The following ARCN1 variants were observed in gnomAD, a reference collection of about 807,000 sequenced individuals.
ARCN1 encodes the protein archain 1 coat protein complex I subunit delta.
A neutral mutation model predicts 60.4 loss-of-function variants in ARCN1; 5 were observed. That is an observed-to-expected ratio of 0.08 (90% CI 0.04 to 0.17). The LOEUF (loss-of-function observed/expected upper bound fraction) is 0.17. ARCN1 is among the 10% of genes least tolerant of loss of function. The pLI is 1.00. For synonymous variants in ARCN1, 224 were observed against 220.0 expected (o/e 1.02, Z -0.16); for missense variants, 464 against 626.5 (o/e 0.74, Z 2.77).
At chr11:118,575,317 G>C (rs1191874955) in intron 1 of ARCN1, among the ~76,000 whole-genome samples, 1 of 152,036 alleles carries the variant, frequency 6.6e-6, no homozygotes, top group Non-Finnish European at 1.5e-5. Flanking sequence ...TGTTTTGAGG[G>C]ACAGCAAAGA....
rs188303468 is a variant in ARCN1 at position 118,572,558 on chromosome 11, C to T, written c.3+8C>T. 9.0e-4 allele frequency: 1,456 copies of T among 1,609,086 alleles called. 13 individuals are homozygous for T. In the East Asian group the frequency reaches 0.012, roughly 13 times the overall value. On this transcript the variant is annotated splice_region_variant and intron_variant, in intron 1 of 9. Transcript: ENST00000264028. Reference sequence around the variant, plus strand: ...ACCACCGCCCTCACCATGGTAAGATCCGAGCCAGGACCCGAACTCCTGGGG... The same window carrying T: ...ACCACCGCCCTCACCATGGTAAGATTCGAGCCAGGACCCGAACTCCTGGGG...
At chr11:118,593,845 G>C (rs1374773317) in intron 8 of ARCN1, 147 bp downstream of exon 8, 3 of 530,958 alleles carry the variant, frequency 5.7e-6, no homozygotes, top group South Asian at 2.5e-5. Flanking sequence ...GATACAAAAG[G>C]CTGCATGTTA....
At position 118,592,799 on chromosome 11, in the gene ARCN1, G is replaced by T. The variant is rs782524829; in HGVS notation, c.1075G>T (p.Val359Leu). The T allele has an allele frequency of 4.3e-6, 7 of 1,614,126 alleles. No homozygotes were observed. In the South Asian group the frequency reaches 5.5e-5, roughly 13 times the overall value. Reference protein sequence around the residue: ...PEKSFPVNSDVGVLKWRLQTT... With the variant: ...PEKSFPVNSDLGVLKWRLQTT... ...GAAGTCATTTCCAGTCAACAGTGACGTAGGGGTGCTAAAGTGGAGACTACA... is the reference window on the plus strand; with the variant it reads ...GAAGTCATTTCCAGTCAACAGTGACTTAGGGGTGCTAAAGTGGAGACTACA... Residue 359 changes from valine to leucine, a missense_variant, in exon 7 of 10, where the codon GTA (valine) becomes TTA (leucine). Val to Leu is a conservative substitution (Grantham distance 32, BLOSUM62 1). Around this residue, in one of 2 missense-constraint regions of ARCN1, gnomAD observed 359 missense variants for 440.2 expected, o/e 0.82. Coordinates refer to ENST00000264028, the MANE Select transcript of ARCN1 (RefSeq NM_001655.5).
intron 9 of ARCN1, among the ~76,000 whole-genome samples, chr11:118,599,471 A>G (rs1024597238): frequency 4.0e-5 from 6 of 150,432 alleles, no homozygotes; most frequent in Non-Finnish European, 7.4e-5. Flanking sequence ...CTCTGTCACC[A>G]AGGCTGGAGT....
At chr11:118,600,298 CATCCTGATAGAATGTCTA>C (rs1939120362) in intron 9 of ARCN1, among the ~76,000 whole-genome samples, 1 of 152,204 alleles carries the variant, frequency 6.6e-6, no homozygotes, top group Non-Finnish European at 1.5e-5. Context: ...GTTAATATAT[CATCCTGATAGAATGTCTA>C]TGAATTTCAT....
chr11:118,590,226 C>T, intron 5 of ARCN1, 115 bp from the exon 6 acceptor site: 2 of 720,158 alleles, frequency 2.8e-6, no homozygotes, highest in Non-Finnish European at 4.5e-6. Context: ...AACTCCCCAC[C>T]TCAGGTGATC....
At chr11:118,583,468 TC>T in intron 3 of ARCN1, 110 bp downstream of exon 3, 1 of 1,300,998 alleles carries the variant, frequency 7.7e-7, no homozygotes, top group Non-Finnish European at 1.0e-6. Flanking sequence ...CAAAACTATG[TC>T]CAGGCTAGGC....
In ARCN1 at chr11:118,600,875, G is replaced by A. The variant is rs1939132837; in HGVS notation, c.*161G>A. ...GCAAGGACCCTCGACTCACCCCCATGTTTCAGTGTCACAGAGACATTCTTT... is the reference window on the plus strand; with the variant it reads ...GCAAGGACCCTCGACTCACCCCCATATTTCAGTGTCACAGAGACATTCTTT... On this transcript the variant is annotated 3_prime_UTR_variant, in exon 10 of 10. Coordinates refer to ENST00000264028, the MANE Select transcript of ARCN1 (RefSeq NM_001655.5). 2.0e-6 allele frequency: 1 copy of A among 499,132 alleles called. No homozygotes were observed. The highest frequency in any genetic ancestry group is 2.3e-5 in the South Asian group (1 of 43,588). 30.9% of individuals were successfully genotyped at this position (499,132 alleles called of 1,614,324 possible). A position where few individuals can be genotyped will look rare whatever the true frequency, so the allele number is the denominator to read the frequency against.
At chr11:118,599,250 G>A (rs1415617186) in intron 9 of ARCN1, among the ~76,000 whole-genome samples, 2 of 150,106 alleles carry the variant, frequency 1.3e-5, no homozygotes, top group South Asian at 2.1e-4. Flanking sequence ...GCGCCACCAC[G>A]CCTGTCTGAT....
chr11:118,575,283 A>G (rs1938466511), intron 1 of ARCN1, among the ~76,000 whole-genome samples: 1 of 152,072 alleles, frequency 6.6e-6, no homozygotes, highest in Admixed American at 6.6e-5. Flanking sequence ...CGGCCCCTGT[A>G]TTATTTATGT....
chr11:118,582,288 G>A (rs561097033), intron 2 of ARCN1, among the ~76,000 whole-genome samples: 2 of 152,222 alleles, frequency 1.3e-5, no homozygotes, highest in African/African-American at 2.4e-5. Context: ...GATTACAGAT[G>A]TGCATCGCCA....
chr11:118,582,934 C>T (rs972442913), intron 2 of ARCN1, among the ~76,000 whole-genome samples: 6 of 150,090 alleles, frequency 4.0e-5, no homozygotes, highest in Non-Finnish European at 7.4e-5. Flanking sequence ...CCAGCTACTC[C>T]GGAAGCTGAG....
chr11:118,581,160 G>T (rs1340952897), intron 1 of ARCN1, 86 bp from the exon 2 acceptor site: 3 of 1,513,366 alleles, frequency 2.0e-6, no homozygotes, highest in African/African-American at 1.4e-5. Context: ...AAATAAATAT[G>T]TCATTCTATG....
At chr11:118,591,668 G>C (rs1938911447) in intron 6 of ARCN1, among the ~76,000 whole-genome samples, 1 of 151,730 alleles carries the variant, frequency 6.6e-6, no homozygotes, top group South Asian at 2.1e-4. Context: ...TGGGATTGTA[G>C]TCATGAGCCA....
chr11:118,572,498 CT>C lies in ARCN1; in HGVS notation c.-49del, dbSNP rs1555072610. ...TGCTCCCGTTCCCCAGACCCTACCCCTATCCCCAGTGGAGCCGGAGTGCGGG... is the reference window on the plus strand; with the variant it reads ...TGCTCCCGTTCCCCAGACCCTACCCCATCCCCAGTGGAGCCGGAGTGCGGG... On this transcript the variant is annotated 5_prime_UTR_variant, in exon 1 of 10. Transcript: ENST00000264028. 1 of 1,608,772 alleles carries C rather than the reference CT, an allele frequency of 6.2e-7. No individual in the cohort carries two copies.
At chr11:118,583,077 G>A in intron 2 of ARCN1, 102 bp from the exon 3 acceptor site, 1 of 1,308,702 alleles carries the variant, frequency 7.6e-7, no homozygotes, top group Non-Finnish European at 1.1e-6. Context: ...GCTAATAAAG[G>A]GATTTAGGTT....
chr11:118,576,654 T>TA (rs1938520557), intron 1 of ARCN1, among the ~76,000 whole-genome samples: 1 of 152,138 alleles, frequency 6.6e-6, no homozygotes, highest in Non-Finnish European at 1.5e-5. Flanking sequence ...TTTATCATGT[T>TA]TAGAGGTGAC....
chr11:118,578,068 A>C (rs941385972), intron 1 of ARCN1, among the ~76,000 whole-genome samples: 7 of 152,206 alleles, frequency 4.6e-5, no homozygotes, highest in East Asian at 1.9e-4. Context: ...AGGCTGAGGC[A>C]TGAGAATTGC....
intron 5 of ARCN1, among the ~76,000 whole-genome samples, chr11:118,585,117 C>T (rs562306688): frequency 3.3e-5 from 5 of 152,146 alleles, no homozygotes; most frequent in Admixed American, 6.5e-5. Flanking sequence ...TGAGCCACCA[C>T]GCCCGGCTGT....
Sources: gnomAD v4.1 joint callset for allele counts (sites outside exome capture counted in the v4.1 genomes callset) on GRCh38, gnomAD v4.1.1 for gene constraint, gnomAD v4.1.1 regional missense constraint, MANE v1.5 for transcripts, NCBI Gene and HGNC (gene_info 2026-07-23, HGNC 2026-07-21) for gene names.